ODAD2: variants seen among roughly 807,000 people sequenced by gnomAD.
ODAD2 encodes outer dynein arm docking complex subunit 2.
Under a neutral mutation model 106.8 loss-of-function variants are expected in ODAD2, and 89 were observed. The ratio of observed to expected loss-of-function variants is 0.83; its 90% CI spans 0.70 to 0.99. The LOEUF is 0.99. Among genes scored for constraint, ODAD2 ranks in the 50% least tolerant of loss-of-function variants. The pLI is 0.00. For missense variants in ODAD2, 1,168 were observed against 1,238.5 expected (o/e 0.94, Z 0.85); for synonymous variants, 404 against 436.2 (o/e 0.93, Z 0.92).
chr10:27,985,170 T>G lies in ODAD2; in HGVS notation c.424A>C (p.Asn142His). 1 of 1,583,796 alleles carries G rather than the reference T, an allele frequency of 6.3e-7. No individual in the cohort carries two copies. Among genetic ancestry groups the G allele is most frequent in the Non-Finnish European group, 8.6e-7 (1 of 1,163,990 alleles). The change falls in exon 4 of 20, where the codon AAT becomes CAT. Residue 142 changes from asparagine to histidine, a missense_variant. Transcript: ENST00000305242. The stretch of plus-strand genomic sequence containing the variant: ...GCAATTGAGTTTTCTTTCATTGTAT[T>G]ATAATCAGAGCCCAGGATTTTTACT... ...PIVKILGSDY[N>H]TMKENSIALN...
In ODAD2 at chr10:27,893,444, C is replaced by T. The variant is rs538527097; in HGVS notation, c.2610+14219G>A. On this transcript the variant is annotated intron_variant, in intron 17 of 19. Coordinates refer to ENST00000305242, the MANE Select transcript of ODAD2 (RefSeq NM_018076.5). ...GGTAGGGGCCCTGAAGTAGCAACAG[C>T]TTGTCTAAAGGCGTAGCTGGTGCTT... Among the ~76,000 whole-genome samples, 12 of 152,274 alleles carry T rather than the reference C, an allele frequency of 7.9e-5. No individual in the cohort carries two copies. In the South Asian group the frequency reaches 2.5e-3, roughly 32 times the overall value.
At chr10:27,813,161 A>G (rs983163225) in intron 19 of ODAD2, 1 of 152,412 alleles carries the variant, frequency 6.6e-6, no homozygotes, top group Non-Finnish European at 1.5e-5. Context: ...CCTCTTCTCC[A>G]AGATCATAAC....
rs1349645772 is a variant in ODAD2, at chr10:27,885,547, T to A, written c.2610+22116A>T. Among the ~76,000 whole-genome samples the A allele has an allele frequency of 9.5e-3, 158 of 16,586 alleles. 28 individuals are homozygous for A. The highest frequency in any genetic ancestry group is 0.03 in the African/African-American group (137 of 4,538). 10.9% of individuals were successfully genotyped at this position (16,586 alleles called of 152,430 possible). A position where few individuals can be genotyped will look rare whatever the true frequency, so the allele number is the denominator to read the frequency against. ...AAAAAAAAAAAAATATATATATATA[T>A]AAATATATAAATATAAATATATATA... On this transcript the variant is annotated intron_variant, in intron 17 of 19. Transcript: ENST00000305242.
chr10:27,994,765 C>T (rs1480129134), intron 2 of ODAD2, among the ~76,000 whole-genome samples, 154 bp downstream of exon 2: 1 of 152,158 alleles, frequency 6.6e-6, no homozygotes, highest in African/African-American at 2.4e-5. Flanking sequence ...TGAATATCCT[C>T]AGACTTCACC....
rs202073100 is a variant in ODAD2 at position 27,894,742 on chromosome 10, A to AT, written c.2610+12920_2610+12921insA. 6.5e-3 allele frequency among the ~76,000 whole-genome samples: 974 copies of AT among 150,792 alleles called. 13 individuals carry two copies. Among genetic ancestry groups the AT allele is most frequent in the African/African-American group, 0.023 (934 of 41,046 alleles). On this transcript the variant is annotated intron_variant, in intron 17 of 19. Coordinates refer to ENST00000305242, the MANE Select transcript of ODAD2 (RefSeq NM_018076.5). ...CAGGCATGTGCATTAAAAAAAAAAA[A>AT]AATTGTTGTAGAGGAGTCTCCCTAT...
At chr10:27,909,168 C>T (rs1843808263) in intron 16 of ODAD2, among the ~76,000 whole-genome samples, 1 of 152,042 alleles carries the variant, frequency 6.6e-6, no homozygotes, top group East Asian at 1.9e-4. Context: ...CATAAAATTT[C>T]ACAATGAACA....
chr10:27,837,516 T>C (rs1837985982), intron 19 of ODAD2, among the ~76,000 whole-genome samples: 1 of 152,164 alleles, frequency 6.6e-6, no homozygotes, highest in South Asian at 2.1e-4. Flanking sequence ...GCGTTTTCAG[T>C]CATTAGTGTG....
chr10:27,895,734 G>A (rs1842816622), intron 17 of ODAD2, among the ~76,000 whole-genome samples: 3 of 152,224 alleles, frequency 2.0e-5, no homozygotes, highest in Non-Finnish European at 4.4e-5. Context: ...GCTATTAATA[G>A]AGTTGCCCTA....
chr10:27,939,797 T>C, intron 14 of ODAD2, 100 bp downstream of exon 14: 1 of 528,198 alleles, frequency 1.9e-6, no homozygotes, highest in Non-Finnish European at 3.3e-6. Context: ...AAATGCAGAT[T>C]CCTGAGTCCC....
chr10:27,989,961 C>T (rs1030282296), intron 2 of ODAD2, among the ~76,000 whole-genome samples: 11 of 152,110 alleles, frequency 7.2e-5, no homozygotes, highest in Non-Finnish European at 1.3e-4. Context: ...GAAGAATGAG[C>T]TCTTGGAAAG....
At chr10:27,914,128 C>A (rs543106656) in intron 16 of ODAD2, among the ~76,000 whole-genome samples, 3 of 152,146 alleles carry the variant, frequency 2.0e-5, no homozygotes, top group African/African-American at 7.2e-5. Flanking sequence ...TACATACAAA[C>A]CATGGAGTAC....
At chr10:27,848,689 C>A (rs1468444415) in intron 19 of ODAD2, among the ~76,000 whole-genome samples, 1 of 152,094 alleles carries the variant, frequency 6.6e-6, no homozygotes, top group African/African-American at 2.4e-5. Flanking sequence ...CCAGAATCTA[C>A]AAAAAACTCA....
chr10:27,855,652 G>A (rs1382223532), intron 19 of ODAD2, among the ~76,000 whole-genome samples: 1 of 152,056 alleles, frequency 6.6e-6, no homozygotes, highest in Non-Finnish European at 1.5e-5. Context: ...TTGTCCCTGT[G>A]CTAGGCTTCA....
intron 14 of ODAD2, among the ~76,000 whole-genome samples, chr10:27,937,255 G>A (rs1846051167): frequency 6.6e-6 from 1 of 152,112 alleles, no homozygotes; most frequent in African/African-American, 2.4e-5. Flanking sequence ...GAAGACAGAT[G>A]AGTGATAGGG....
At chr10:27,821,928 A>G (rs1474221242) in intron 19 of ODAD2, among the ~76,000 whole-genome samples, 3 of 152,198 alleles carry the variant, frequency 2.0e-5, no homozygotes, top group Non-Finnish European at 4.4e-5. Flanking sequence ...TGGGAGTTTC[A>G]TATATACACT....
intron 10 of ODAD2, chr10:27,957,299 G>T (rs1328983001): frequency 6.6e-6 from 1 of 152,204 alleles, no homozygotes; most frequent in Non-Finnish European, 1.5e-5. Flanking sequence ...CTGCTTTCAG[G>T]GGGCTGAGAG....
intron 10 of ODAD2, among the ~76,000 whole-genome samples, chr10:27,959,611 G>A (rs115092513): frequency 0.028 from 4,320 of 152,152 alleles, 169 homozygotes; most frequent in African/African-American, 0.088. Flanking sequence ...AATCTAGCCC[G>A]TGCTCCATGC....
intron 17 of ODAD2, among the ~76,000 whole-genome samples, chr10:27,880,918 G>A (rs1212822493): frequency 6.6e-6 from 1 of 152,224 alleles, no homozygotes. Context: ...ATGGAAGGCA[G>A]CATCATAAAG....
chr10:27,963,830 A>G (rs529544323), intron 9 of ODAD2, among the ~76,000 whole-genome samples: 17 of 152,238 alleles, frequency 1.1e-4, no homozygotes, highest in East Asian at 1.9e-4. Flanking sequence ...ATTTGGCCAC[A>G]AGAGTTCCGG....
Sources: allele counts gnomAD v4.1 joint callset (sites outside exome capture counted in the v4.1 genomes callset), GRCh38; gene constraint gnomAD v4.1.1; transcripts MANE v1.5; gene names NCBI Gene and HGNC (gene_info 2026-07-23, HGNC 2026-07-21).